ADGRV1: variants seen among roughly 807,000 people sequenced by gnomAD.
The protein encoded by ADGRV1 is adhesion G protein-coupled receptor V1.
In ADGRV1, 359 loss-of-function variants were observed where a neutral mutation model predicts 596.2. That is an observed-to-expected ratio of 0.60 (90% CI 0.55 to 0.66). ADGRV1 has a LOEUF of 0.66. ADGRV1 is among the 30% of genes least tolerant of loss of function. The pLI is 0.00. For synonymous variants in ADGRV1, 2,681 were observed against 2,679.2 expected, an observed-to-expected ratio of 1.00 and a Z score of -0.02; for missense variants, 7,274 against 7,575.6, an observed-to-expected ratio of 0.96 and a Z score of 1.48.
rs369083434 is a variant in ADGRV1 at position 90,811,046 on chromosome 5, C to T, written c.15786C>T (p.Phe5262=). The T allele has an allele frequency of 2.8e-4, 451 of 1,613,944 alleles. 1 individual carries two copies. In the African/African-American group the frequency reaches 4.7e-3, roughly 17 times the overall value. ...ATGTCAGCATAACAGTTAAAACTTT[C>T]GGTGAAAGATGTGCTCAGATGGAAC... ...TGNVSITVKT[F]GERCAQMEPN... The change falls in exon 74 of 90, where the codon TTC becomes TTT. Residue 5262 remains phenylalanine, a synonymous_variant. Coordinates refer to ENST00000405460, the MANE Select transcript of ADGRV1 (RefSeq NM_032119.4).
At chr5:90,667,297 G>T (rs1771608080) in intron 21 of ADGRV1, among the ~76,000 whole-genome samples, 2 of 137,654 alleles carry the variant, frequency 1.5e-5, no homozygotes, top group African/African-American at 5.7e-5. Context: ...TTTCTTGGAG[G>T]CTTTGCTCAT....
intron 23 of ADGRV1, among the ~76,000 whole-genome samples, chr5:90,674,892 T>C (rs537862064): frequency 1.3e-5 from 2 of 152,310 alleles, no homozygotes; most frequent in East Asian, 3.9e-4. Flanking sequence ...TGTTCTACTA[T>C]ATGTTCTAGA....
Position 90,783,919 on chromosome 5 carries a change from C to A in ADGRV1, c.13515C>A (p.Ile4505=). Residue 4505 remains isoleucine (I), a synonymous_variant, in exon 67 of 90, where the codon ATC becomes ATA. Coordinates refer to ENST00000405460, the MANE Select transcript of ADGRV1 (RefSeq NM_032119.4). ...TTGGGCGCCACCTAGTGAGCAGAAT[C>A]ATAATAGCTAAGAGTGACTCTCCCT... The part of the protein sequence containing the change: ...AVLGRHLVSR[I]IIAKSDSPFG... The A allele has an allele frequency of 6.2e-7, 1 of 1,612,368 alleles. No homozygotes were observed. Among genetic ancestry groups the A allele is most frequent in the African/African-American group, 1.3e-5 (1 of 75,012 alleles).
At chr5:90,706,777 T>C (rs750232579) in intron 38 of ADGRV1, among the ~76,000 whole-genome samples, 1 of 151,744 alleles carries the variant, frequency 6.6e-6, no homozygotes, top group Non-Finnish European at 1.5e-5. Flanking sequence ...GTTTGGACAC[T>C]CTACAATTAT....
At chr5:90,822,793 C>T (rs1365956646) in intron 75 of ADGRV1, among the ~76,000 whole-genome samples, 1 of 152,190 alleles carries the variant, frequency 6.6e-6, no homozygotes, top group African/African-American at 2.4e-5. Flanking sequence ...TTTGTATCCT[C>T]TTTTATTTCA....
chr5:90,592,599 C>A (rs1759660973), intron 1 of ADGRV1, among the ~76,000 whole-genome samples: 1 of 152,144 alleles, frequency 6.6e-6, no homozygotes, highest in Non-Finnish European at 1.5e-5. Context: ...ATGGTATTGT[C>A]TAGGTTTTCT....
At chr5:90,798,074 C>T (rs1015202706) in intron 70 of ADGRV1, among the ~76,000 whole-genome samples, 1 of 151,960 alleles carries the variant, frequency 6.6e-6, no homozygotes, top group African/African-American at 2.4e-5. Context: ...TAGCTAAGAT[C>T]AGAGCAGAAC....
chr5:90,593,874 G>C (rs571976720), intron 1 of ADGRV1, among the ~76,000 whole-genome samples: 2 of 151,928 alleles, frequency 1.3e-5, no homozygotes, highest in East Asian at 3.9e-4. Context: ...AGAATTTTAT[G>C]TTTTTTACAT....
chr5:90,747,140 C>G (rs914671169), intron 52 of ADGRV1, among the ~76,000 whole-genome samples: 2 of 152,014 alleles, frequency 1.3e-5, no homozygotes, highest in South Asian at 4.1e-4. Context: ...GACAGAATGA[C>G]AAAGACTGGT....
At chr5:91,002,181 C>T (rs1008531139) in intron 85 of ADGRV1, among the ~76,000 whole-genome samples, 1 of 151,934 alleles carries the variant, frequency 6.6e-6, no homozygotes, top group Non-Finnish European at 1.5e-5. Context: ...TGGGTGGGCT[C>T]CTAAGTCCAC....
chr5:90,892,097 T>C (rs530697737), intron 83 of ADGRV1, among the ~76,000 whole-genome samples: 2 of 152,196 alleles, frequency 1.3e-5, no homozygotes, highest in African/African-American at 4.8e-5. Context: ...ATAGAATCTT[T>C]CATGGAACTA....
intron 83 of ADGRV1, among the ~76,000 whole-genome samples, chr5:90,898,504 G>A (rs1181039476): frequency 1.3e-5 from 2 of 152,144 alleles, no homozygotes; most frequent in Non-Finnish European, 2.9e-5. Flanking sequence ...TCAGTCTTGA[G>A]TCATTGCTCT....
At chr5:90,754,477 T>A (rs1561662504) in intron 54 of ADGRV1, among the ~76,000 whole-genome samples, 1 of 152,200 alleles carries the variant, frequency 6.6e-6, no homozygotes, top group African/African-American at 2.4e-5. Context: ...ATTAAGTTTT[T>A]AAAATCTAAA....
chr5:90,833,565 A>G (rs1764699884), intron 77 of ADGRV1, among the ~76,000 whole-genome samples: 1 of 152,152 alleles, frequency 6.6e-6, no homozygotes, highest in Admixed American at 6.5e-5. Flanking sequence ...GATTACAGGC[A>G]TGAGCCACCA....
chr5:90,684,562 A>G (rs1745361984), intron 28 of ADGRV1, among the ~76,000 whole-genome samples: 1 of 152,084 alleles, frequency 6.6e-6, no homozygotes, highest in South Asian at 2.1e-4. Flanking sequence ...ATTTTTCCTC[A>G]TAGTTCTGGA....
intron 21 of ADGRV1, among the ~76,000 whole-genome samples, chr5:90,664,928 G>C (rs1055788076): frequency 6.6e-6 from 1 of 151,782 alleles, no homozygotes; most frequent in African/African-American, 2.4e-5. Context: ...ATTAATTTGC[G>C]TATATTGAAC....
rs778145129 is a variant in ADGRV1 at position 90,783,964 on chromosome 5, C to G, written c.13560C>G (p.Leu4520=). 2.5e-6 allele frequency: 4 copies of G among 1,612,250 alleles called. No homozygotes were observed. In the South Asian group the frequency reaches 3.3e-5, roughly 13 times the overall value. The part of the protein sequence containing the change: ...SDSPFGVIRF[L]NQSKISIANP... ...CTCCCTTTGGAGTTATAAGGTTTCT[C>G]AATCAAAGCAAAATTTCTATTGCTA... The change falls in exon 67 of 90, where the codon CTC becomes CTG. Residue 4520 remains leucine, a synonymous_variant. Transcript: ENST00000405460.
intron 85 of ADGRV1, among the ~76,000 whole-genome samples, chr5:91,061,706 A>G (rs1330278216): frequency 1.3e-5 from 2 of 152,232 alleles, no homozygotes; most frequent in African/African-American, 4.8e-5. Context: ...GCACTTAAAA[A>G]TGAGCCCAAT....
At chr5:90,701,644 G>A (rs918811628) in intron 34 of ADGRV1, among the ~76,000 whole-genome samples, 1 of 151,900 alleles carries the variant, frequency 6.6e-6, no homozygotes, top group Non-Finnish European at 1.5e-5. Flanking sequence ...TATTTTTGCA[G>A]TATTTTCTTG....
Sources: allele counts gnomAD v4.1 joint callset (sites outside exome capture counted in the v4.1 genomes callset), GRCh38; gene constraint gnomAD v4.1.1; transcripts MANE v1.5; gene names NCBI Gene and HGNC (gene_info 2026-07-23, HGNC 2026-07-21).